Variants in LNPEP observed in about 807,000 individuals in gnomAD.
The protein encoded by LNPEP is leucyl and cystinyl aminopeptidase, also known as leucyl-cystinyl aminopeptidase.
Under a neutral mutation model 120.6 loss-of-function variants are expected in LNPEP, and 64 were observed. That is an observed-to-expected ratio of 0.53 (90% CI 0.43 to 0.65). LNPEP has a LOEUF of 0.65. LNPEP is among the 30% of genes least tolerant of loss of function. LNPEP has a pLI of 0.00. For synonymous variants in LNPEP, 435 were observed against 425.4 expected (o/e 1.02, Z -0.28); for missense variants, 1,057 against 1,200.0 (o/e 0.88, Z 1.76).
In LNPEP at chr5:96,996,632, T is replaced by C. The variant is rs1238199378; in HGVS notation, c.1521+129T>C. 4 of 597,316 alleles carry C rather than the reference T, an allele frequency of 6.7e-6. No individual in the cohort carries two copies. In the African/African-American group the frequency reaches 7.5e-5, roughly 11 times the overall value. The allele number at this position is 597,316 out of a possible 1,614,324, so 37.0% of individuals were successfully genotyped here. On this transcript the variant is annotated intron_variant, in intron 7 of 17. Transcript: ENST00000231368. ...TAGGAAGGTATGCCAAACTTGACTT[T>C]GGTTATTGATATCTATACCTTTTGA...
rs1024372979 is a variant in LNPEP, at chr5:97,035,718, C to T, written c.*7185C>T. ...TAACACTTAGTCCCTTGCAAGGGGT[C>T]TGACTATACCTAACAAAAATAAAGA... On this transcript the variant is annotated 3_prime_UTR_variant, in exon 18 of 18. Transcript: ENST00000231368. 4 of 152,114 alleles carry T rather than the reference C, an allele frequency of 2.6e-5. No individual in the cohort carries two copies. The highest frequency in any genetic ancestry group is 2.0e-4 in the Admixed American group (3 of 15,242). 9.4% of individuals were successfully genotyped at this position (152,114 alleles called of 1,614,324 possible).
At chr5:97,005,460 A>G (rs1163377732) in intron 9 of LNPEP, among the ~76,000 whole-genome samples, 1 of 152,136 alleles carries the variant, frequency 6.6e-6, no homozygotes, top group Non-Finnish European at 1.5e-5. Flanking sequence ...TCTGGGAAAG[A>G]AGGGCTGTGA....
At chr5:96,944,242 C>G (rs1789127416) in intron 1 of LNPEP, among the ~76,000 whole-genome samples, 1 of 152,144 alleles carries the variant, frequency 6.6e-6, no homozygotes, top group Non-Finnish European at 1.5e-5. Context: ...AACATCATTA[C>G]ATTGTCAATG....
At chr5:96,952,814 A>C (rs1789355316) in intron 1 of LNPEP, among the ~76,000 whole-genome samples, 1 of 152,080 alleles carries the variant, frequency 6.6e-6, no homozygotes, top group Admixed American at 6.5e-5. Flanking sequence ...GAGACACATC[A>C]TTTAATTTCT....
In LNPEP at chr5:96,964,613, A is replaced by G. The variant is rs144077959; in HGVS notation, c.20-14525A>G. Among the ~76,000 whole-genome samples, 711 of 152,220 alleles carry G rather than the reference A, an allele frequency of 4.7e-3. 9 individuals carry two copies. Among genetic ancestry groups the G allele is most frequent in the African/African-American group, 0.016 (659 of 41,548 alleles). On this transcript the variant is annotated intron_variant, in intron 1 of 17. Coordinates refer to ENST00000231368, the MANE Select transcript of LNPEP (RefSeq NM_005575.3). Reference sequence around the variant, plus strand: ...TTTCTCTTTTTTTGCTATGTAAACTATACTGCTGTAAACATTCTTATATGT... The same window carrying G: ...TTTCTCTTTTTTTGCTATGTAAACTGTACTGCTGTAAACATTCTTATATGT...
chr5:96,946,935 C>T lies in LNPEP; in HGVS notation c.19+10761C>T, dbSNP rs1343016949. 7.2e-5 allele frequency among the ~76,000 whole-genome samples: 11 copies of T among 152,200 alleles called. No individual in the cohort carries two copies. The East Asian group carries it at 2.1e-3, about 29-fold the overall frequency. ...TCTTATAAATTTCCTTTGCAGATCC[C>T]ATTCAGTGATATGCATTCTTTGTTA... On this transcript the variant is annotated intron_variant, in intron 1 of 17. Transcript: ENST00000231368.
chr5:96,949,754 A>G (rs1445850441), intron 1 of LNPEP, among the ~76,000 whole-genome samples: 1 of 152,258 alleles, frequency 6.6e-6, no homozygotes, highest in Non-Finnish European at 1.5e-5. Flanking sequence ...TATATTTGCT[A>G]CAATGGTTGG....
intron 11 of LNPEP, chr5:97,010,625 C>T (rs747511183): frequency 5.6e-4 from 547 of 984,926 alleles, no homozygotes; most frequent in Admixed American, 6.8e-4. Context: ...AGTTGATTTT[C>T]GTAGCTCATT....
chr5:96,949,931 C>T (rs531694004), intron 1 of LNPEP, among the ~76,000 whole-genome samples: 1 of 152,276 alleles, frequency 6.6e-6, no homozygotes, highest in East Asian at 1.9e-4. Context: ...TCCCTCCCTC[C>T]CTCCTTTCCT....
intron 1 of LNPEP, among the ~76,000 whole-genome samples, chr5:96,977,029 G>T (rs529089544): frequency 6.6e-6 from 1 of 151,992 alleles, no homozygotes; most frequent in African/African-American, 2.4e-5. Flanking sequence ...TAGATGGGTA[G>T]ATGGCAGAAT....
At chr5:96,957,221 T>C (rs1037953327) in intron 1 of LNPEP, among the ~76,000 whole-genome samples, 11 of 152,156 alleles carry the variant, frequency 7.2e-5, no homozygotes, top group African/African-American at 2.4e-4. Context: ...GTGTAGACTC[T>C]TTTATCCTCT....
intron 11 of LNPEP, 84 bp downstream of exon 11, chr5:97,006,599 A>G (rs1447995247): frequency 1.3e-6 from 1 of 760,062 alleles, no homozygotes; most frequent in East Asian, 2.6e-5. Flanking sequence ...TACACTTTCC[A>G]GTGTGCACAC....
Position 97,015,087 on chromosome 5 carries a change from A to G in LNPEP, c.2368A>G (p.Arg790Gly). 1 of 1,561,682 alleles carries G rather than the reference A, an allele frequency of 6.4e-7. No individual in the cohort carries two copies. Among genetic ancestry groups the G allele is most frequent in the Non-Finnish European group, 8.6e-7 (1 of 1,157,362 alleles). The change falls in exon 13 of 18, where the codon AGA (arginine) becomes GGA (glycine). Residue 790 changes from arginine to glycine, a missense_variant. Transcript: ENST00000231368. ...EKLGYMDLAS[R>G]LVTRVFKLLQ... The stretch of plus-strand genomic sequence containing the variant: ...ACTGGGATACATGGATCTGGCCTCA[A>G]GACTGGTGGTAAGTCTGCCTTTTTG...
chr5:96,938,901 C>T (rs1415262837), intron 1 of LNPEP, among the ~76,000 whole-genome samples: 1 of 150,032 alleles, frequency 6.7e-6, no homozygotes, highest in Non-Finnish European at 1.5e-5. Context: ...TGGACCAGTA[C>T]TTAAGATTGT....
intron 15 of LNPEP, among the ~76,000 whole-genome samples, chr5:97,025,914 T>C (rs993411023): frequency 6.6e-6 from 1 of 152,218 alleles, no homozygotes; most frequent in African/African-American, 2.4e-5. Flanking sequence ...GCTTTTGTTT[T>C]TTTCTCTCCT....
At chr5:96,941,359 C>T (rs1048754714) in intron 1 of LNPEP, among the ~76,000 whole-genome samples, 8 of 152,214 alleles carry the variant, frequency 5.3e-5, no homozygotes, top group Admixed American at 5.2e-4. Flanking sequence ...TGGTACTGGT[C>T]TGTGGCCTTG....
intron 4 of LNPEP, among the ~76,000 whole-genome samples, chr5:96,990,061 AG>A (rs141565914): frequency 0.038 from 5,718 of 152,294 alleles, 185 homozygotes; most frequent in Middle Eastern, 0.11. Flanking sequence ...ACCATCTTCT[AG>A]ATTATTGAGG....
At chr5:96,987,107 A>C (rs1314308519) in intron 4 of LNPEP, among the ~76,000 whole-genome samples, 1 of 152,220 alleles carries the variant, frequency 6.6e-6, no homozygotes, top group Non-Finnish European at 1.5e-5. Flanking sequence ...TGTAAAAATT[A>C]GATGAGTCCT....
In LNPEP at chr5:97,028,402, G is replaced by A; in HGVS notation, c.2947G>A (p.Val983Ile). The part of the protein sequence containing the change: ...LFSTKTHLSE[V>I]QAFFENQSEA... ...AAATTCTTCTGTGTGAAACTTACAG[G>A]TTCAGGCATTCTTTGAAAATCAGTC... Residue 983 changes from valine to isoleucine, a missense_variant and splice_region_variant, in exon 18 of 18, where the codon GTT becomes ATT. By Grantham distance (29) the Val-to-Ile change is conservative. Coordinates refer to ENST00000231368, the MANE Select transcript of LNPEP (RefSeq NM_005575.3). 3.1e-6 allele frequency: 5 copies of A among 1,613,568 alleles called. No homozygotes were observed. Among genetic ancestry groups the A allele is most frequent in the Non-Finnish European group, 4.2e-6 (5 of 1,179,552 alleles).
Sources: allele counts gnomAD v4.1 joint callset (sites outside exome capture counted in the v4.1 genomes callset), GRCh38; gene constraint gnomAD v4.1.1; transcripts MANE v1.5; gene names NCBI Gene and HGNC (gene_info 2026-07-23, HGNC 2026-07-21).